CENPP: variants seen among roughly 807,000 people sequenced by gnomAD.
CENPP encodes centromere protein P.
Under a neutral mutation model 35.6 loss-of-function variants are expected in CENPP, and 24 were observed. The observed-to-expected ratio is 0.67, with a 90% CI of 0.49 to 0.95. The LOEUF (loss-of-function observed/expected upper bound fraction) is 0.95, where lower values mean the gene tolerates loss of function less well. Ranked by LOEUF, CENPP falls within the 40% of genes least tolerant of loss-of-function variation. CENPP has a pLI of 0.00. For missense variants in CENPP, 332 were observed against 345.3 expected (o/e 0.96, Z 0.31); for synonymous variants, 120 against 125.5 (o/e 0.96, Z 0.29).
At chr9:92,352,348 A>G (rs1362025211) in intron 4 of CENPP, among the ~76,000 whole-genome samples, 1 of 150,340 alleles carries the variant, frequency 6.7e-6, no homozygotes, top group Non-Finnish European at 1.5e-5. Context: ...CCTCTGGGTG[A>G]CAGAGCAAGA....
At chr9:92,603,883 A>G (rs1211732837) in intron 5 of CENPP, among the ~76,000 whole-genome samples, 1 of 152,040 alleles carries the variant, frequency 6.6e-6, no homozygotes, top group Non-Finnish European at 1.5e-5. Flanking sequence ...GGTTCTGGGG[A>G]CCAGTCTGTG....
intron 5 of CENPP, among the ~76,000 whole-genome samples, chr9:92,481,457 G>T (rs1845908220): frequency 1.3e-5 from 2 of 152,100 alleles, no homozygotes; most frequent in Admixed American, 1.3e-4. Context: ...CCTACACCAT[G>T]TGGCCACTGT....
chr9:92,460,323 C>T (rs940299066), intron 5 of CENPP: 1 of 535,268 alleles, frequency 1.9e-6, no homozygotes, highest in Non-Finnish European at 3.3e-6. Flanking sequence ...CGTGAGCCAC[C>T]ACACCCGGCC....
At chr9:92,344,643 G>T (rs1564269598) in intron 3 of CENPP, among the ~76,000 whole-genome samples, 1 of 151,868 alleles carries the variant, frequency 6.6e-6, no homozygotes, top group Admixed American at 6.5e-5. Flanking sequence ...TGCCTCCTGT[G>T]CTCAAGCGAT....
intron 5 of CENPP, among the ~76,000 whole-genome samples, chr9:92,573,754 G>A (rs1041860915): frequency 6.6e-6 from 1 of 152,306 alleles, no homozygotes; most frequent in Non-Finnish European, 1.5e-5. Context: ...CACCCAGTTC[G>A]AGCTTCCCGG....
Position 92,611,083 on chromosome 9 carries a change from G to A in CENPP, c.565-231G>A, listed in dbSNP as rs967473883. On this transcript the variant is annotated intron_variant, in intron 5 of 7. Coordinates refer to ENST00000375587, the MANE Select transcript of CENPP (RefSeq NM_001012267.3). ...CAGCTGTAGGGAGGTTATGTACAATGTTCATGATGGGGAAGCAGCAGTCAT... is the reference window on the plus strand; with the variant it reads ...CAGCTGTAGGGAGGTTATGTACAATATTCATGATGGGGAAGCAGCAGTCAT... The A allele has an allele frequency of 5.0e-6, 3 of 597,128 alleles. No homozygotes were observed. The African/African-American group carries it at 5.6e-5, about 11-fold the overall frequency. The allele number at this position is 597,128 out of a possible 1,614,324, so 37.0% of individuals were successfully genotyped here.
At chr9:92,459,656 T>C in intron 5 of CENPP, 1 of 1,613,138 alleles carries the variant, frequency 6.2e-7, no homozygotes, top group Non-Finnish European at 8.5e-7. Context: ...ACTCTGGTAA[T>C]CCTGAAGGGA....
Position 92,577,350 on chromosome 9 carries a change from C to T in CENPP, c.565-33964C>T, listed in dbSNP as rs1416808122. Among the ~76,000 whole-genome samples the T allele has an allele frequency of 4.6e-5, 7 of 152,062 alleles. No homozygotes were observed. The East Asian group carries it at 1.2e-3, about 25-fold the overall frequency. The stretch of plus-strand genomic sequence containing the variant: ...CCAACATGGCAAAACCCTGTCTCTA[C>T]TAAAAATACAAAATATTAGCTGGGC... On this transcript the variant is annotated intron_variant, in intron 5 of 7. Transcript: ENST00000375587.
At chr9:92,353,858 A>G (rs1299880252) in intron 4 of CENPP, among the ~76,000 whole-genome samples, 2 of 152,210 alleles carry the variant, frequency 1.3e-5, no homozygotes, top group African/African-American at 4.8e-5. Context: ...GCTATGGAAG[A>G]AACAGTACCA....
In CENPP at chr9:92,613,153, CA is replaced by C; in HGVS notation, c.*8del. On this transcript the variant is annotated 3_prime_UTR_variant, in exon 8 of 8. Coordinates refer to ENST00000375587, the MANE Select transcript of CENPP (RefSeq NM_001012267.3). ...TTGTGCAGAGGAGAACAACTAGTTC[CA>C]AAACAGTGAACGTGGAGGATGAAGA... 6.2e-7 allele frequency: 1 copy of C among 1,614,074 alleles called. No individual in the cohort carries two copies. Among genetic ancestry groups the C allele is most frequent in the Non-Finnish European group, 8.5e-7 (1 of 1,179,984 alleles).
chr9:92,421,953 G>A (rs1001320171), intron 5 of CENPP, among the ~76,000 whole-genome samples: 1 of 152,028 alleles, frequency 6.6e-6, no homozygotes, highest in Admixed American at 6.6e-5. Flanking sequence ...GAGATTAATA[G>A]GAATGGATAT....
intron 5 of CENPP, among the ~76,000 whole-genome samples, chr9:92,390,433 C>G (rs1842623887): frequency 6.6e-6 from 1 of 151,868 alleles, no homozygotes; most frequent in Non-Finnish European, 1.5e-5. Context: ...TATTTTTTTG[C>G]TGGCATGTTG....
intron 5 of CENPP, among the ~76,000 whole-genome samples, chr9:92,546,035 T>A (rs929175644): frequency 6.6e-6 from 1 of 152,026 alleles, no homozygotes; most frequent in African/African-American, 2.4e-5. Context: ...CAGCACTCTG[T>A]GTCTAGCTCA....
chr9:92,612,529 A>C lies in CENPP; in HGVS notation c.651A>C (p.Glu217Asp). 1 of 1,613,084 alleles carries C rather than the reference A, an allele frequency of 6.2e-7. No homozygotes were observed. The highest frequency in any genetic ancestry group is 8.5e-7 in the Non-Finnish European group (1 of 1,179,064). ...GIRSASRPGF[E>D]LVIVWRIQID... is the part of the protein sequence containing the mutation. ...TGTTTTACTGCTTTTTCAGGTTTGA[A>C]TTAGTCATTGTTTGGAGGATACAAA... Residue 217 changes from glutamate to aspartate, a missense_variant, in exon 7 of 8, where the codon GAA becomes GAC. Transcript: ENST00000375587.
At chr9:92,356,940 G>A (rs1027562320) in intron 4 of CENPP, among the ~76,000 whole-genome samples, 32 of 152,060 alleles carry the variant, frequency 2.1e-4, no homozygotes, top group African/African-American at 6.8e-4. Context: ...TTGATGTTAT[G>A]AACTTGTATA....
intron 5 of CENPP, among the ~76,000 whole-genome samples, chr9:92,583,684 A>G (rs530417240): frequency 1.3e-5 from 2 of 152,006 alleles, no homozygotes; most frequent in East Asian, 1.9e-4. Flanking sequence ...ATACTTAGGC[A>G]TAGTCCTCAG....
rs73526013 is a variant in CENPP at position 92,582,874 on chromosome 9, T to C, written c.565-28440T>C. Among the ~76,000 whole-genome samples, 603 of 152,276 alleles carry C rather than the reference T, an allele frequency of 4.0e-3. 8 individuals are homozygous for C. The highest frequency in any genetic ancestry group is 0.014 in the African/African-American group (563 of 41,554). On this transcript the variant is annotated intron_variant, in intron 5 of 7. Transcript: ENST00000375587. ...GGGAAGAGGAATGGGGATACTCTTG[T>C]GGCCCACCGAGTCTTCAGATTCTCT... is the stretch of plus-strand genomic sequence containing the variant.
In CENPP at chr9:92,345,638, G is replaced by A. The variant is rs1257321912; in HGVS notation, c.379-61G>A. The A allele has an allele frequency of 4.6e-6, 4 of 871,166 alleles. No individual in the cohort carries two copies. The African/African-American group carries it at 5.1e-5, about 11-fold the overall frequency. 54.0% of individuals were successfully genotyped at this position (871,166 alleles called of 1,614,324 possible). On this transcript the variant is annotated intron_variant, in intron 3 of 7. Transcript: ENST00000375587. ...GCATTTCATTTTGCATATTTCAAAA[G>A]TATTTTTGTCTTTTTGAAGTTTACT...
At chr9:92,416,465 C>T (rs1270702762) in intron 5 of CENPP, among the ~76,000 whole-genome samples, 1 of 152,166 alleles carries the variant, frequency 6.6e-6, no homozygotes, top group Non-Finnish European at 1.5e-5. Flanking sequence ...GAATAGCACA[C>T]ATTTCTCTGG....
Sources: gnomAD v4.1 joint callset for allele counts (sites outside exome capture counted in the v4.1 genomes callset) on GRCh38, gnomAD v4.1.1 for gene constraint, MANE v1.5 for transcripts, NCBI Gene and HGNC (gene_info 2026-07-23, HGNC 2026-07-21) for gene names.